The following PTPRD variants were observed in gnomAD, a reference collection of about 807,000 sequenced individuals.
PTPRD encodes the protein protein tyrosine phosphatase receptor type D.
A neutral mutation model predicts 214.5 loss-of-function variants in PTPRD; 34 were observed. The ratio of observed to expected loss-of-function variants is 0.16; its 90% CI spans 0.12 to 0.21. The LOEUF (loss-of-function observed/expected upper bound fraction) is 0.21, where lower values mean the gene tolerates loss of function less well. Among genes scored for constraint, PTPRD ranks in the 10% least tolerant of loss-of-function variants. The probability of loss-of-function intolerance (pLI) is 1.00; values close to 1 mark genes in which losing one functional copy is unlikely to be tolerated. For missense variants in PTPRD, 2,545 were observed against 2,398.7 expected (o/e 1.06, Z -1.27); for synonymous variants, 1,128 against 845.7 (o/e 1.33, Z -5.79).
chr9:9,192,322 C>T (rs1486013638), intron 9 of PTPRD, among the ~76,000 whole-genome samples: 1 of 151,992 alleles, frequency 6.6e-6, no homozygotes, highest in African/African-American at 2.4e-5. Flanking sequence ...GAAAATCTTC[C>T]ACTAGCTATC....
intron 28 of PTPRD, chr9:8,485,546 T>C: frequency 1.6e-6 from 1 of 626,170 alleles, no homozygotes. Flanking sequence ...TTTCCTTACC[T>C]GAGGACATTG....
intron 3 of PTPRD, among the ~76,000 whole-genome samples, chr9:10,288,991 G>T (rs935473390): frequency 6.6e-6 from 1 of 150,912 alleles, no homozygotes. Context: ...CCAAGACAAA[G>T]CTCCCTAACT....
At chr9:8,738,687 T>C (rs550088717) in intron 11 of PTPRD, among the ~76,000 whole-genome samples, 1 of 152,192 alleles carries the variant, frequency 6.6e-6, no homozygotes, top group South Asian at 2.1e-4. Context: ...ATTTTAAAAA[T>C]TTCACTGGTT....
At chr9:8,676,897 T>G (rs566330693) in intron 12 of PTPRD, among the ~76,000 whole-genome samples, 2 of 152,186 alleles carry the variant, frequency 1.3e-5, no homozygotes, top group African/African-American at 4.8e-5. Context: ...ATTTTGTTGT[T>G]GTTAAAAAAA....
At chr9:9,430,755 T>C (rs565380605) in intron 8 of PTPRD, among the ~76,000 whole-genome samples, 7 of 152,250 alleles carry the variant, frequency 4.6e-5, no homozygotes, top group Middle Eastern at 3.4e-3. Flanking sequence ...ACCACACATC[T>C]ACAACCATCT....
intron 8 of PTPRD, among the ~76,000 whole-genome samples, chr9:9,570,061 A>C (rs1385769930): frequency 6.6e-6 from 1 of 151,548 alleles, no homozygotes; most frequent in Non-Finnish European, 1.5e-5. Flanking sequence ...ACAGAACTGC[A>C]CTTTAACAAT....
chr9:10,153,455 A>G (rs918228431), intron 3 of PTPRD, among the ~76,000 whole-genome samples: 1 of 150,954 alleles, frequency 6.6e-6, no homozygotes, highest in African/African-American at 2.4e-5. Flanking sequence ...AGACATTTAC[A>G]CTTTGGGCAT....
intron 3 of PTPRD, among the ~76,000 whole-genome samples, chr9:10,098,031 G>A (rs1197817601): frequency 1.3e-5 from 2 of 151,756 alleles, no homozygotes; most frequent in Non-Finnish European, 2.9e-5. Context: ...CTGCTATAAA[G>A]ACACATGCAC....
Position 8,341,924 on chromosome 9 carries a change from T to G in PTPRD, c.4716A>C (p.Arg1572Ser). 1 of 1,613,248 alleles carries G rather than the reference T, an allele frequency of 6.2e-7. No individual in the cohort carries two copies. The highest frequency in any genetic ancestry group is 8.5e-7 in the Non-Finnish European group (1 of 1,179,598). The change falls in exon 40 of 46, where the codon AGA becomes AGC. Residue 1572 changes from arginine to serine, a missense_variant. Physicochemically the swap from Arg to Ser is moderately radical, Grantham distance 110 (BLOSUM62 -1). Coordinates refer to ENST00000381196, the MANE Select transcript of PTPRD (RefSeq NM_002839.4). ...TATCTACAGTTTTTTCATGCTTTATTCTTTCTAACATGGCATCTATGACGA... is the reference window on the plus strand; with the variant it reads ...TATCTACAGTTTTTTCATGCTTTATGCTTTCTAACATGGCATCTATGACGA... ...CFIVIDAMLERIKHEKTVDIY... is the reference protein window; with the variant it reads ...CFIVIDAMLESIKHEKTVDIY...
In PTPRD at chr9:8,339,062, G is replaced by C. The variant is rs757358352; in HGVS notation, c.5254-15C>G. On this transcript the variant is annotated splice_polypyrimidine_tract_variant and intron_variant, in intron 42 of 45. Transcript: ENST00000381196. ...TGACATTTCTCCTAAAAGGAGAGAA[G>C]ATTAATGTTAAACTATGCAAAGTAT... The C allele has an allele frequency of 3.7e-6, 6 of 1,607,562 alleles. No individual in the cohort carries two copies. In the African/African-American group the frequency reaches 6.7e-5, roughly 18 times the overall value.
intron 8 of PTPRD, among the ~76,000 whole-genome samples, chr9:9,510,370 C>CA (rs2096671620): frequency 6.6e-6 from 1 of 151,376 alleles, no homozygotes; most frequent in South Asian, 2.1e-4. Flanking sequence ...CAGCAATGAG[C>CA]AAACTTCCCA....
At chr9:9,174,188 A>G (rs535672730) in intron 10 of PTPRD, among the ~76,000 whole-genome samples, 1 of 152,246 alleles carries the variant, frequency 6.6e-6, no homozygotes, top group South Asian at 2.1e-4. Flanking sequence ...TAGAATACTT[A>G]TTTGCTTTCC....
At chr9:9,757,633 A>G (rs1195878842) in intron 6 of PTPRD, among the ~76,000 whole-genome samples, 1 of 152,150 alleles carries the variant, frequency 6.6e-6, no homozygotes, top group Non-Finnish European at 1.5e-5. Flanking sequence ...TATATTAGCC[A>G]CTAGAATTTC....
At chr9:9,400,275 C>T (rs1018367373) in intron 8 of PTPRD, among the ~76,000 whole-genome samples, 2 of 151,658 alleles carry the variant, frequency 1.3e-5, no homozygotes, top group African/African-American at 2.4e-5. Flanking sequence ...CAATGGCAGT[C>T]GTCTATTTTA....
chr9:9,360,484 A>C (rs1010939293), intron 9 of PTPRD, among the ~76,000 whole-genome samples: 1 of 151,178 alleles, frequency 6.6e-6, no homozygotes, highest in Admixed American at 6.6e-5. Flanking sequence ...GATTAGGCTA[A>C]GTTTGTGACA....
In PTPRD at chr9:8,372,302, C is replaced by T. The variant is rs148905914; in HGVS notation, c.4661+3634G>A. Among the ~76,000 whole-genome samples, 539 of 152,066 alleles carry T rather than the reference C, an allele frequency of 3.5e-3. 4 individuals carry two copies. Among genetic ancestry groups the T allele is most frequent in the African/African-American group, 0.012 (494 of 41,520 alleles). On this transcript the variant is annotated intron_variant, in intron 39 of 45. Coordinates refer to ENST00000381196, the MANE Select transcript of PTPRD (RefSeq NM_002839.4). ...TTCTTCTCAGAGTTCTAAATATACA[C>T]ACAGCTTTTAAAAGGTACTCAGTAA...
chr9:9,249,820 T>A (rs11793988), intron 9 of PTPRD, among the ~76,000 whole-genome samples: 1 of 151,990 alleles, frequency 6.6e-6, no homozygotes, highest in Non-Finnish European at 1.5e-5. Flanking sequence ...ACTGAAAGAC[T>A]GAACTGGGAG....
intron 5 of PTPRD, among the ~76,000 whole-genome samples, chr9:9,775,854 G>T (rs2098794134): frequency 1.3e-5 from 2 of 150,872 alleles, no homozygotes; most frequent in Non-Finnish European, 2.9e-5. Context: ...TACTTGGGAG[G>T]CTGAGGCAGG....
chr9:9,600,780 C>G (rs1463476902), intron 7 of PTPRD, among the ~76,000 whole-genome samples: 1 of 152,062 alleles, frequency 6.6e-6, no homozygotes, highest in East Asian at 1.9e-4. Context: ...GCTAACTTTA[C>G]ACATATATTT....
Sources: gnomAD v4.1 joint callset for allele counts (sites outside exome capture counted in the v4.1 genomes callset) on GRCh38, gnomAD v4.1.1 for gene constraint, MANE v1.5 for transcripts, NCBI Gene and HGNC (gene_info 2026-07-23, HGNC 2026-07-21) for gene names.